FBXL7: variants seen among roughly 807,000 people sequenced by gnomAD.
FBXL7 encodes F-box and leucine rich repeat protein 7.
In FBXL7, 12 loss-of-function variants were observed where a neutral mutation model predicts 38.3. The observed-to-expected ratio is 0.31, with a 90% CI of 0.20 to 0.51. FBXL7 has a LOEUF of 0.51. FBXL7 is among the 20% of genes least tolerant of loss of function. The pLI is 0.98. For synonymous variants in FBXL7, 297 were observed against 300.9 expected (o/e 0.99, Z 0.13); for missense variants, 567 against 676.4 (o/e 0.84, Z 1.79).
intron 2 of FBXL7, among the ~76,000 whole-genome samples, chr5:15,666,413 C>T (rs1029466587): frequency 4.6e-4 from 70 of 152,260 alleles, no homozygotes; most frequent in African/African-American, 1.6e-3. Context: ...TTTATTTCTG[C>T]AACAACTTTG....
intron 1 of FBXL7, among the ~76,000 whole-genome samples, chr5:15,604,420 T>G (rs1362614039): frequency 6.6e-6 from 1 of 151,166 alleles, no homozygotes; most frequent in Non-Finnish European, 1.5e-5. Context: ...AGTGGCACAG[T>G]CTTGGCTCAC....
intron 2 of FBXL7, among the ~76,000 whole-genome samples, chr5:15,756,530 T>C (rs927470646): frequency 3.9e-5 from 6 of 152,194 alleles, no homozygotes; most frequent in Admixed American, 3.9e-4. Flanking sequence ...ACTTGCAGCC[T>C]AAATGGTCAT....
chr5:15,924,385 A>C (rs965878124), intron 2 of FBXL7, among the ~76,000 whole-genome samples: 1 of 152,256 alleles, frequency 6.6e-6, no homozygotes, highest in African/African-American at 2.4e-5. Flanking sequence ...GACAGAAACA[A>C]GGAAAGGATG....
intron 2 of FBXL7, among the ~76,000 whole-genome samples, chr5:15,744,810 C>G (rs184906166): frequency 3.3e-5 from 5 of 152,084 alleles, no homozygotes; most frequent in African/African-American, 9.7e-5. Context: ...AGGAAACTTA[C>G]AATCATGTCA....
At chr5:15,746,886 T>A (rs980563241) in intron 2 of FBXL7, among the ~76,000 whole-genome samples, 1 of 147,066 alleles carries the variant, frequency 6.8e-6, no homozygotes, top group Non-Finnish European at 1.5e-5. Flanking sequence ...CGAGTGCCAC[T>A]TTTTTTTTTG....
intron 2 of FBXL7, among the ~76,000 whole-genome samples, chr5:15,919,435 T>G (rs2126442665): frequency 6.6e-6 from 1 of 152,318 alleles, no homozygotes; most frequent in Admixed American, 6.5e-5. Flanking sequence ...TTAGGATTTT[T>G]TTTCCCCAGA....
In FBXL7 at chr5:15,936,714, G is replaced by T. The variant is rs774426899; in HGVS notation, c.1004G>T (p.Arg335Leu). The change falls in exon 4 of 4, where the codon CGC becomes CTC. Residue 335 changes from arginine (R) to leucine (L), a missense_variant. By Grantham distance (102) the Arg-to-Leu change is moderately radical. Coordinates refer to ENST00000504595, the MANE Select transcript of FBXL7 (RefSeq NM_012304.5). This position sits in a 1 kb window ranked among gnomAD's most constrained non-coding sequence, Gnocchi z 6.0. ...AAGGAGCTGAGCGTCAGCGACTGCCGCTTCGTCAGCGACTTCGGCCTGCGG... is the reference window on the plus strand; with the variant it reads ...AAGGAGCTGAGCGTCAGCGACTGCCTCTTCGTCAGCGACTTCGGCCTGCGG... ...SIKELSVSDC[R>L]FVSDFGLREI... The T allele has an allele frequency of 3.7e-6, 6 of 1,608,120 alleles. No homozygotes were observed. The highest frequency in any genetic ancestry group is 1.3e-5 in the African/African-American group (1 of 74,920).
intron 2 of FBXL7, among the ~76,000 whole-genome samples, chr5:15,673,998 CA>C (rs1340949694): frequency 6.6e-6 from 1 of 152,208 alleles, no homozygotes; most frequent in Non-Finnish European, 1.5e-5. Flanking sequence ...AAATCAATCA[CA>C]TTGTGTTCTA....
chr5:15,682,165 G>A (rs1489508276), intron 2 of FBXL7, among the ~76,000 whole-genome samples: 1 of 152,202 alleles, frequency 6.6e-6, no homozygotes, highest in African/African-American at 2.4e-5. Context: ...TTTAGACATT[G>A]GGAACCCAGG....
chr5:15,792,001 G>A (rs889261443), intron 2 of FBXL7, among the ~76,000 whole-genome samples: 1 of 152,130 alleles, frequency 6.6e-6, no homozygotes, highest in Non-Finnish European at 1.5e-5. Flanking sequence ...CACATTGCAA[G>A]CACAACAAGT....
intron 2 of FBXL7, among the ~76,000 whole-genome samples, chr5:15,788,020 T>TCTGGTGGCTC (rs545513653): frequency 1.9e-4 from 29 of 152,228 alleles, no homozygotes; most frequent in Middle Eastern, 6.8e-3. Context: ...CTTCCTGGCT[T>TCTGGTGGCTC]CTGGTGGCTC....
chr5:15,801,890 A>C (rs1737579374), intron 2 of FBXL7, among the ~76,000 whole-genome samples: 1 of 152,048 alleles, frequency 6.6e-6, no homozygotes, highest in Non-Finnish European at 1.5e-5. Context: ...CATTTGATGA[A>C]CTTTTTGAGA....
intron 2 of FBXL7, among the ~76,000 whole-genome samples, chr5:15,644,304 C>CAAA (rs369213583): frequency 2.1e-5 from 2 of 94,804 alleles, no homozygotes; most frequent in Non-Finnish European, 4.2e-5. Flanking sequence ...ACTAAAAATC[C>CAAA]AAAAAAAAAA....
chr5:15,586,441 G>A (rs1739308351), intron 1 of FBXL7, among the ~76,000 whole-genome samples: 1 of 151,522 alleles, frequency 6.6e-6, no homozygotes, highest in African/African-American at 2.4e-5. Flanking sequence ...TGATGGGTTG[G>A]AATGGAAACA....
chr5:15,524,617 A>G (rs1030045717), intron 1 of FBXL7, among the ~76,000 whole-genome samples: 2 of 152,180 alleles, frequency 1.3e-5, no homozygotes, highest in African/African-American at 4.8e-5. Flanking sequence ...TTCATTGGTG[A>G]TAGCTTGGAA....
chr5:15,717,263 G>T (rs1424703132), intron 2 of FBXL7, among the ~76,000 whole-genome samples: 1 of 152,160 alleles, frequency 6.6e-6, no homozygotes, highest in Non-Finnish European at 1.5e-5. Context: ...GGGTCCCTGA[G>T]TCCCCTGCTG....
At chr5:15,659,918 C>T (rs1742001595) in intron 2 of FBXL7, among the ~76,000 whole-genome samples, 1 of 152,136 alleles carries the variant, frequency 6.6e-6, no homozygotes, top group African/African-American at 2.4e-5. Context: ...GAGGGAGAAA[C>T]TATAAACTTT....
chr5:15,606,336 G>A (rs923642589), intron 1 of FBXL7, among the ~76,000 whole-genome samples: 12 of 152,086 alleles, frequency 7.9e-5, no homozygotes, highest in African/African-American at 2.9e-4. Context: ...GTATGATTAT[G>A]TATATTCTCA....
intron 2 of FBXL7, among the ~76,000 whole-genome samples, chr5:15,703,682 G>C (rs1743596566): frequency 6.6e-6 from 1 of 152,170 alleles, no homozygotes; most frequent in African/African-American, 2.4e-5. Flanking sequence ...AGTTTTGGTA[G>C]AGTGAAGGCT....
Sources: gnomAD v4.1 joint callset for allele counts (sites outside exome capture counted in the v4.1 genomes callset) on GRCh38, gnomAD v4.1.1 for gene constraint, Gnocchi (gnomAD v3.1) non-coding constraint, MANE v1.5 for transcripts, NCBI Gene and HGNC (gene_info 2026-07-23, HGNC 2026-07-21) for gene names.